The following WDR90 variants were observed in gnomAD, a reference collection of about 807,000 sequenced individuals.
WDR90 encodes the protein WD repeat domain 90.
Under a neutral mutation model 195.2 loss-of-function variants are expected in WDR90, and 238 were observed. The ratio of observed to expected loss-of-function variants is 1.22; its 90% CI spans 1.10 to 1.36. The LOEUF (loss-of-function observed/expected upper bound fraction) is 1.36, where lower values mean the gene tolerates loss of function less well. WDR90 is among the 40% of genes most tolerant of loss of function. WDR90 has a pLI of 0.00. For synonymous variants in WDR90, 1,265 were observed against 1,052.4 expected (o/e 1.20, Z -3.91); for missense variants, 2,734 against 2,439.5 (o/e 1.12, Z -2.54).
Position 655,889 on chromosome 16 carries a change from G to C in WDR90, c.1966G>C (p.Glu656Gln). 3.1e-6 allele frequency: 5 copies of C among 1,591,800 alleles called. No individual in the cohort carries two copies. Among genetic ancestry groups the C allele is most frequent in the East Asian group, 2.3e-5 (1 of 44,096 alleles). Residue 656 changes from glutamate (E) to glutamine (Q), a missense_variant and splice_region_variant, in exon 17 of 41, where the codon GAG becomes CAG. Glu to Gln is a conservative substitution (Grantham distance 29). Coordinates refer to ENST00000293879, the MANE Select transcript of WDR90 (RefSeq NM_145294.5). ...LDFSSVLLEA[E>Q]HEGPVSSVCV... ...CTTCTCCTCGGTGCTCCTGGAGGCA[G>C]GTGATGCTGTGGGCACGCTCTCCCA...
chr16:663,795 G>A (rs1202396280), intron 34 of WDR90, among the ~76,000 whole-genome samples: 2 of 152,240 alleles, frequency 1.3e-5, no homozygotes, highest in Non-Finnish European at 2.9e-5. Context: ...CTTAGGAGAG[G>A]TGGCCTCCTG....
At chr16:654,062 C>T (rs902181426) in intron 13 of WDR90, 10 of 522,884 alleles carry the variant, frequency 1.9e-5, no homozygotes, top group Non-Finnish European at 3.4e-5. Context: ...ACACACCTCG[C>T]CTCGTTCTCT....
chr16:662,554 CG>C (rs2037939941), intron 33 of WDR90, 124 bp from the exon 34 acceptor site: 1 of 1,368,662 alleles, frequency 7.3e-7, no homozygotes, highest in African/African-American at 1.5e-5. Flanking sequence ...CTTCTTCCAC[CG>C]GGAGGGCACA....
chr16:660,989 G>GCC, intron 28 of WDR90, 62 bp from the exon 29 acceptor site: 7 of 24,678 alleles, frequency 2.8e-4, no homozygotes, highest in South Asian at 1.8e-3. Context: ...CCCCTCCCCA[G>GCC]GCCCCTCCCC....
Position 667,775 on chromosome 16 carries a change from T to C in WDR90, c.*186T>C. 1 of 792,012 alleles carries C rather than the reference T, an allele frequency of 1.3e-6. No homozygotes were observed. The highest frequency in any genetic ancestry group is 2.1e-6 in the Non-Finnish European group (1 of 477,664). 49.1% of individuals were successfully genotyped at this position (792,012 alleles called of 1,614,324 possible). ...GAATACTTTCATACCTGTTGCCCTT[T>C]TGCCTAAGAAATCTTTAATGTTTCT... On this transcript the variant is annotated 3_prime_UTR_variant, in exon 41 of 41. Transcript: ENST00000293879.
intron 28 of WDR90, 150 bp downstream of exon 28, chr16:660,864 A>G: frequency 1.1e-6 from 1 of 909,262 alleles, no homozygotes; most frequent in South Asian, 2.0e-5. Flanking sequence ...CTGGCGCTCC[A>G]GCCGAGGTCC....
Position 656,435 on chromosome 16 carries a change from C to T in WDR90, c.2100C>T (p.Thr700=), listed in dbSNP as rs371484576. 237 of 1,602,508 alleles carry T rather than the reference C, an allele frequency of 1.5e-4. No individual in the cohort carries two copies. Among genetic ancestry groups the T allele is most frequent in the Admixed American group, 6.2e-4 (37 of 59,346 alleles). ...RVYHMLARSH[T]APVLALAMEQ... is the part of the protein sequence containing the mutation. ...ACCACATGCTGGCTCGCTCCCACAC[C>T]GCCCCGGTGTTGGCCCTCGCCATGG... The change falls in exon 18 of 41, where the codon ACC becomes ACT. Residue 700 remains threonine, a synonymous_variant. Coordinates refer to ENST00000293879, the MANE Select transcript of WDR90 (RefSeq NM_145294.5).
chr16:660,162 G>A lies in WDR90; in HGVS notation c.3288+1G>A, dbSNP rs1361637973. 6.6e-7 allele frequency: 1 copy of A among 1,516,692 alleles called. No individual in the cohort carries two copies. The highest frequency in any genetic ancestry group is 2.1e-5 in the Admixed American group (1 of 47,498). 94.0% of individuals were successfully genotyped at this position (1,516,692 alleles called of 1,614,324 possible). A position where few individuals can be genotyped will look rare whatever the true frequency, so the allele number is the denominator to read the frequency against. Reference sequence around the variant, plus strand: ...CAGCTGCAGCCCCCACTCTGCCAAGGTGGGGAGTGGTTTCTGGGAGCCCTC... The same window carrying A: ...CAGCTGCAGCCCCCACTCTGCCAAGATGGGGAGTGGTTTCTGGGAGCCCTC... On this transcript the variant is annotated splice_donor_variant, in intron 27 of 40. Coordinates refer to ENST00000293879, the MANE Select transcript of WDR90 (RefSeq NM_145294.5). LOFTEE classifies it high-confidence loss of function.
At chr16:659,995 G>GT in intron 26 of WDR90, 63 bp from the exon 27 acceptor site, 1 of 1,245,572 alleles carries the variant, frequency 8.0e-7, no homozygotes, top group Non-Finnish European at 1.1e-6. Flanking sequence ...ACTGCGTGTA[G>GT]TGTGGGGTCT....
chr16:650,092 G>T lies in WDR90; in HGVS notation c.204G>T (p.Thr68=), dbSNP rs775637185. The change falls in exon 3 of 41, where the codon ACG becomes ACT. Residue 68 remains threonine (T), a synonymous_variant. Coordinates refer to ENST00000293879, the MANE Select transcript of WDR90 (RefSeq NM_145294.5). The part of the protein sequence containing the change: ...PKSSTQSLGL[T]GRYLYVLFRP... ...GCAGCACCCAGTCTCTGGGGCTGACGGGACGATACCTGTATGTGCTCTTTC... is the reference window on the plus strand; with the variant it reads ...GCAGCACCCAGTCTCTGGGGCTGACTGGACGATACCTGTATGTGCTCTTTC... 8 of 1,613,084 alleles carry T rather than the reference G, an allele frequency of 5.0e-6. No homozygotes were observed. The South Asian group carries it at 5.5e-5, about 11-fold the overall frequency.
At chr16:662,197 CT>C in intron 32 of WDR90, 22 bp from the exon 33 acceptor site, 1 of 1,527,658 alleles carries the variant, frequency 6.5e-7, no homozygotes. Flanking sequence ...GCCGTGGCCC[CT>C]TATGGCTCCT....
rs1334467935 is a variant in WDR90 at position 655,293 on chromosome 16, C to T, written c.1557-14C>T. The T allele has an allele frequency of 6.2e-7, 1 of 1,608,344 alleles. No homozygotes were observed. Among genetic ancestry groups the T allele is most frequent in the East Asian group, 2.2e-5 (1 of 44,866 alleles). Reference sequence around the variant, plus strand: ...CTGCGAGCTGCGGCAGTGCTCAGTCCTCATTCCTTGCAGGATGGCGTCGTG... The same window carrying T: ...CTGCGAGCTGCGGCAGTGCTCAGTCTTCATTCCTTGCAGGATGGCGTCGTG... On this transcript the variant is annotated splice_polypyrimidine_tract_variant and intron_variant, in intron 14 of 40. Transcript: ENST00000293879.
chr16:656,021 G>A (rs1446561559), intron 17 of WDR90, 132 bp downstream of exon 17: 1 of 1,136,930 alleles, frequency 8.8e-7, no homozygotes, highest in African/African-American at 1.6e-5. Flanking sequence ...ACGGGGCCAA[G>A]TGGCATATCC....
At chr16:667,096 T>A (rs2038100685) in intron 40 of WDR90, 107 bp downstream of exon 40, 2 of 1,213,160 alleles carry the variant, frequency 1.6e-6, no homozygotes, top group African/African-American at 1.5e-5. Context: ...GGGCTCCTCG[T>A]CTCTGGGGTG....
In WDR90 at chr16:660,660, G is replaced by T; in HGVS notation, c.3337G>T (p.Val1113Phe). The change falls in exon 28 of 41, where the codon GTC becomes TTC. Residue 1113 changes from valine to phenylalanine, a missense_variant. Coordinates refer to ENST00000293879, the MANE Select transcript of WDR90 (RefSeq NM_145294.5). Reference sequence around the variant, plus strand: ...CGGTGGGTGGCTGCGTCTGAAGGCTGTCGTCGGTTACAGCGGGAATGGGCG... The same window carrying T: ...CGGTGGGTGGCTGCGTCTGAAGGCTTTCGTCGGTTACAGCGGGAATGGGCG... ...ASGGWLRLKA[V>F]VGYSGNGRAN... The T allele has an allele frequency of 6.3e-7, 1 of 1,582,804 alleles. No individual in the cohort carries two copies.
In WDR90 at chr16:667,490, C is replaced by T. The variant is rs1323334912; in HGVS notation, c.5148C>T (p.His1716=). The part of the protein sequence containing the change: ...AMGTAQDFAG[H]DNAVHLCRFT... ...GGACTGCCCAAGACTTTGCCGGCCA[C>T]GACAACGCAGTGCACCTGTGCAGGT... Residue 1716 remains histidine, a synonymous_variant, in exon 41 of 41, where the codon CAC becomes CAT. Coordinates refer to ENST00000293879, the MANE Select transcript of WDR90 (RefSeq NM_145294.5). 14 of 1,611,566 alleles carry T rather than the reference C, an allele frequency of 8.7e-6. No homozygotes were observed. The highest frequency in any genetic ancestry group is 6.7e-5 in the East Asian group (3 of 44,858).
Position 650,252 on chromosome 16 carries a change from A to G in WDR90, c.280-2A>G. 6.2e-6 allele frequency: 10 copies of G among 1,612,752 alleles called. No homozygotes were observed. The highest frequency in any genetic ancestry group is 8.5e-6 in the Non-Finnish European group (10 of 1,179,822). On this transcript the variant is annotated splice_acceptor_variant, in intron 3 of 40. Transcript: ENST00000293879. LOFTEE classifies it high-confidence loss of function. ...CCTCACGGCCCTGCTCCGTCCCCAC[A>G]GGACAACCAAGTCATCCGTGTGTCT... is the stretch of plus-strand genomic sequence containing the variant.
In WDR90 at chr16:655,398, GCGCTGCAGTTCACCGACCT is replaced by G; in HGVS notation, c.1649_1667del (p.Ala550GlyfsTer235). 6.3e-7 allele frequency: 1 copy of G among 1,595,528 alleles called. No individual in the cohort carries two copies. The highest frequency in any genetic ancestry group is 8.5e-7 in the Non-Finnish European group (1 of 1,176,298). On this transcript the variant is annotated frameshift_variant, in exon 15 of 41. Transcript: ENST00000293879. LOFTEE classifies it high-confidence loss of function. ...CCCCGTGGACTTAGGGGAGCACCAC[GCGCTGCAGTTCACCGACCT>G]GGCCTTCAAGCAGGCCCGGGACGGC... is the stretch of plus-strand genomic sequence containing the variant.
chr16:661,683 G>T lies in WDR90; in HGVS notation c.3760G>T (p.Gly1254Cys). Reference sequence around the variant, plus strand: ...CACCCGCCTCCCGGAGCCGGTGCATGGTGTGGCCTTCAACCCCTGGGACGC... The same window carrying T: ...CACCCGCCTCCCGGAGCCGGTGCATTGTGTGGCCTTCAACCCCTGGGACGC... ...SSTRLPEPVH[G>C]VAFNPWDAGE... Residue 1254 changes from glycine (G) to cysteine (C), a missense_variant, in exon 31 of 41, where the codon GGT (glycine) becomes TGT (cysteine). Transcript: ENST00000293879. 6.2e-7 allele frequency: 1 copy of T among 1,612,394 alleles called. No individual in the cohort carries two copies.
Sources: gnomAD v4.1 joint callset for allele counts (sites outside exome capture counted in the v4.1 genomes callset) on GRCh38, gnomAD v4.1.1 for gene constraint, MANE v1.5 for transcripts, NCBI Gene and HGNC (gene_info 2026-07-23, HGNC 2026-07-21) for gene names.